ITPRID1: variants seen among roughly 807,000 people sequenced by gnomAD.
ITPRID1 encodes ITPR interacting domain containing 1.
A neutral mutation model predicts 95.4 loss-of-function variants in ITPRID1; 96 were observed. The ratio of observed to expected loss-of-function variants is 1.01; its 90% CI spans 0.85 to 1.19. The LOEUF (loss-of-function observed/expected upper bound fraction) is 1.19. Ranked by LOEUF, ITPRID1 falls within the 50% of genes most tolerant of loss-of-function variation. The pLI, the probability that ITPRID1 is intolerant of heterozygous loss-of-function variation, is 0.00. For missense variants in ITPRID1, 1,339 were observed against 1,252.9 expected (o/e 1.07, Z -1.04); for synonymous variants, 510 against 453.6 (o/e 1.12, Z -1.58).
At chr7:31,548,877 G>A (rs1294758552) in intron 1 of ITPRID1, among the ~76,000 whole-genome samples, 4 of 152,044 alleles carry the variant, frequency 2.6e-5, no homozygotes, top group African/African-American at 9.7e-5. Flanking sequence ...TGGGAAAGGG[G>A]CAGGTCTTAA....
intron 10 of ITPRID1, among the ~76,000 whole-genome samples, chr7:31,625,458 T>C (rs1788363288): frequency 6.6e-6 from 1 of 152,168 alleles, no homozygotes; most frequent in African/African-American, 2.4e-5. Context: ...AATGATGAGT[T>C]CATGTCCTTT....
chr7:31,639,532 GT>G (rs201859885), intron 10 of ITPRID1, among the ~76,000 whole-genome samples: 1 of 45,532 alleles, frequency 2.2e-5, no homozygotes, highest in East Asian at 7.6e-4. Context: ...TTGTTTGTTT[GT>G]TTTTGTTTTT....
At chr7:31,560,398 G>A (rs145595155) in intron 5 of ITPRID1, among the ~76,000 whole-genome samples, 1 of 152,282 alleles carries the variant, frequency 6.6e-6, no homozygotes, top group Non-Finnish European at 1.5e-5. Context: ...TATTATCTTG[G>A]TTCTTTTTAA....
chr7:31,658,583 C>T (rs1791396964), downstream of ITPRID1: 1 of 355,812 alleles, frequency 2.8e-6, no homozygotes, highest in Admixed American at 4.5e-5. Context: ...ACAAATTGTT[C>T]ATGATGTGCG....
Position 31,642,754 on chromosome 7 carries a change from T to C in ITPRID1, c.1384T>C (p.Leu462=), listed in dbSNP as rs751261966. 1 of 1,613,996 alleles carries C rather than the reference T, an allele frequency of 6.2e-7. No individual in the cohort carries two copies. Among genetic ancestry groups the C allele is most frequent in the Middle Eastern group, 1.6e-4 (1 of 6,062 alleles). The change falls in exon 12 of 15, where the codon TTA becomes CTA. Residue 462 remains leucine, a synonymous_variant. Transcript: ENST00000615280. The stretch of plus-strand genomic sequence containing the variant: ...AAAGCCAAGAGATCAGAGCCACAGC[T>C]TAGTATCATCCCAGGACTGTCAGCT... ...GRKPRDQSHS[L]VSSQDCQLES... is the part of the protein sequence containing the mutation.
intron 6 of ITPRID1, among the ~76,000 whole-genome samples, chr7:31,571,319 C>A (rs1364563352): frequency 2.0e-5 from 3 of 152,180 alleles, no homozygotes; most frequent in Non-Finnish European, 2.9e-5. Flanking sequence ...GCCACCATGC[C>A]TGGCCCAGCT....
At chr7:31,618,368 T>C (rs1378288601) in intron 10 of ITPRID1, among the ~76,000 whole-genome samples, 1 of 152,206 alleles carries the variant, frequency 6.6e-6, no homozygotes, top group African/African-American at 2.4e-5. Flanking sequence ...TCCCCTGTCC[T>C]TTCCTGCTAA....
intron 10 of ITPRID1, among the ~76,000 whole-genome samples, chr7:31,620,651 A>G (rs2128176586): frequency 6.6e-6 from 1 of 150,746 alleles, no homozygotes; most frequent in Admixed American, 6.6e-5. Context: ...AAAACCACAA[A>G]GATGGGGAAA....
At chr7:31,633,250 G>A (rs1443298922) in intron 10 of ITPRID1, among the ~76,000 whole-genome samples, 1 of 152,184 alleles carries the variant, frequency 6.6e-6, no homozygotes. Context: ...CTTTGGGAAA[G>A]GAGTTCGACA....
At chr7:31,603,183 A>T (rs548782071) in intron 10 of ITPRID1, among the ~76,000 whole-genome samples, 1 of 152,214 alleles carries the variant, frequency 6.6e-6, no homozygotes, top group Non-Finnish European at 1.5e-5. Context: ...TCAATCAGAG[A>T]TGTAACCACC....
At chr7:31,606,474 G>GA (rs1309043500) in intron 10 of ITPRID1, among the ~76,000 whole-genome samples, 2 of 143,138 alleles carry the variant, frequency 1.4e-5, no homozygotes, top group Non-Finnish European at 3.1e-5. Context: ...AGAGAGAGAG[G>GA]AAAAAAAAGG....
At chr7:31,580,567 G>T (rs1275178219) in intron 9 of ITPRID1, among the ~76,000 whole-genome samples, 3 of 151,888 alleles carry the variant, frequency 2.0e-5, no homozygotes, top group Non-Finnish European at 2.9e-5. Flanking sequence ...GTCCTTGATT[G>T]GTATACTTTC....
intron 4 of ITPRID1, 24 bp from the exon 5 acceptor site, chr7:31,554,834 C>G: frequency 6.5e-7 from 1 of 1,541,180 alleles, no homozygotes; most frequent in South Asian, 1.2e-5. Flanking sequence ...TTGTTTGACT[C>G]ACAATACTTT....
intron 10 of ITPRID1, 122 bp downstream of exon 10, chr7:31,583,313 C>A: frequency 1.5e-6 from 1 of 652,036 alleles, no homozygotes. Context: ...TAAATTCATG[C>A]ATCTTCTGAG....
intron 10 of ITPRID1, among the ~76,000 whole-genome samples, chr7:31,640,986 T>G (rs1789966253): frequency 6.6e-6 from 1 of 152,186 alleles, no homozygotes; most frequent in Admixed American, 6.5e-5. Context: ...CATTACTTTC[T>G]CTTGACTTTG....
At chr7:31,622,813 C>A (rs1237916934) in intron 10 of ITPRID1, among the ~76,000 whole-genome samples, 1 of 152,046 alleles carries the variant, frequency 6.6e-6, no homozygotes, top group South Asian at 2.1e-4. Flanking sequence ...ATTAATGAAT[C>A]CAGGAGCTGG....
rs762144900 is a variant in ITPRID1 at position 31,574,724 on chromosome 7, G to A, written c.580G>A (p.Glu194Lys). ...LEAQKQRMDI[E>K]NPNLYGRFRQ... ...AGCTCAAAAGCAGCGAATGGACATT[G>A]AGAACCCCAACTTGTACGGTAAGCG... Residue 194 changes from glutamate to lysine, a missense_variant, in exon 8 of 15, where the codon GAG (glutamate) becomes AAG (lysine). Physicochemically the swap from Glu to Lys is moderately conservative, Grantham distance 56 (BLOSUM62 1). Coordinates refer to ENST00000615280, the MANE Select transcript of ITPRID1 (RefSeq NM_001257967.3). 3.7e-6 allele frequency: 6 copies of A among 1,613,792 alleles called. No homozygotes were observed. In the South Asian group the frequency reaches 6.6e-5, roughly 18 times the overall value.
intron 10 of ITPRID1, among the ~76,000 whole-genome samples, chr7:31,635,737 G>C (rs1789424797): frequency 6.6e-6 from 1 of 151,952 alleles, no homozygotes; most frequent in East Asian, 1.9e-4. Flanking sequence ...AGAACACATG[G>C]ACACAGGGAG....
chr7:31,548,179 A>G (rs149590185), intron 1 of ITPRID1, among the ~76,000 whole-genome samples: 1 of 152,128 alleles, frequency 6.6e-6, no homozygotes, highest in Non-Finnish European at 1.5e-5. Context: ...ATAGGAATCA[A>G]GCAGAGGGAA....
Sources: allele counts gnomAD v4.1 joint callset (sites outside exome capture counted in the v4.1 genomes callset), GRCh38; gene constraint gnomAD v4.1.1; transcripts MANE v1.5; gene names NCBI Gene and HGNC (gene_info 2026-07-23, HGNC 2026-07-21).